The following KCNH1 variants were observed in gnomAD, a reference collection of about 807,000 sequenced individuals.
KCNH1 encodes potassium voltage-gated channel subfamily H member 1, also known as voltage-gated delayed rectifier potassium channel KCNH1.
KCNH1 carries 27 observed loss-of-function variants against 69.2 expected under a neutral mutation model. The ratio of observed to expected loss-of-function variants is 0.39; its 90% confidence interval spans 0.29 to 0.54. The LOEUF is 0.54. Among genes scored for constraint, KCNH1 ranks in the 20% least tolerant of loss-of-function variants. The pLI is 0.68. For synonymous variants in KCNH1, 456 were observed against 487.7 expected, an observed-to-expected ratio of 0.93 and a Z score of 0.86; for missense variants, 798 against 1,261.6, an observed-to-expected ratio of 0.63 and a Z score of 5.57.
At chr1:211,029,478 T>A in intron 5 of KCNH1, among the ~76,000 whole-genome samples, 2 of 140,308 alleles carry the variant, frequency 1.4e-5, no homozygotes, top group Admixed American at 7.2e-5. Context: ...ACAAAAACAC[T>A]CAATAAAATT....
At chr1:210,848,907 G>A (rs3905343) in intron 7 of KCNH1, among the ~76,000 whole-genome samples, 24,700 of 152,148 alleles carry the variant, frequency 0.16, 2,621 homozygotes, top group Non-Finnish European at 0.24. Flanking sequence ...AAGGTAAAGA[G>A]TTAAGTGTCT....
At chr1:210,905,594 CT>C (rs1687084946) in intron 7 of KCNH1, among the ~76,000 whole-genome samples, 1 of 152,014 alleles carries the variant, frequency 6.6e-6, no homozygotes, top group African/African-American at 2.4e-5. Context: ...CAATAAATTG[CT>C]CACATTGACA....
In KCNH1 at chr1:210,919,624, G is replaced by C; in HGVS notation, c.1462+16C>G. ...AGAAGAGATGGCCAACCCCACCCCA[G>C]CACTGTCATACTTACAGCCAATCAT... On this transcript the variant is annotated intron_variant, in intron 7 of 10. Coordinates refer to ENST00000271751, the MANE Select transcript of KCNH1 (RefSeq NM_172362.3). This position sits in a 1 kb window ranked among gnomAD's most constrained non-coding sequence, Gnocchi z 4.2. 1 of 1,601,822 alleles carries C rather than the reference G, an allele frequency of 6.2e-7. No individual in the cohort carries two copies. Among genetic ancestry groups the C allele is most frequent in the South Asian group, 1.1e-5 (1 of 89,256 alleles).
At chr1:210,834,536 G>A (rs1397214426) in intron 7 of KCNH1, among the ~76,000 whole-genome samples, 1 of 106,322 alleles carries the variant, frequency 9.4e-6, no homozygotes, top group Non-Finnish European at 1.9e-5. Context: ...GACTGTTGTG[G>A]GGTGGGGGGA....
At chr1:211,111,046 T>C (rs1285727316) in intron 1 of KCNH1, among the ~76,000 whole-genome samples, 2 of 152,128 alleles carry the variant, frequency 1.3e-5, no homozygotes, top group African/African-American at 4.8e-5. Context: ...ATGAACTTAC[T>C]GACTTTGATA....
chr1:210,856,119 A>G (rs564281882), intron 7 of KCNH1, among the ~76,000 whole-genome samples: 1 of 152,258 alleles, frequency 6.6e-6, no homozygotes, highest in East Asian at 1.9e-4. Context: ...AAGAGTTCCA[A>G]ACCCTTTTGG....
At chr1:210,840,974 C>T (rs569435227) in intron 7 of KCNH1, among the ~76,000 whole-genome samples, 1 of 152,156 alleles carries the variant, frequency 6.6e-6, no homozygotes, top group South Asian at 2.1e-4. Context: ...AGACAGACAC[C>T]AGGCCAGCTG....
At chr1:211,014,798 C>T (rs1200562224) in intron 6 of KCNH1, among the ~76,000 whole-genome samples, 2 of 152,170 alleles carry the variant, frequency 1.3e-5, no homozygotes, top group African/African-American at 4.8e-5. Flanking sequence ...ATTTGTTTCT[C>T]TGCACACTCC....
intron 7 of KCNH1, among the ~76,000 whole-genome samples, chr1:210,817,607 T>A (rs1307463499): frequency 6.6e-6 from 1 of 152,100 alleles, no homozygotes; most frequent in Non-Finnish European, 1.5e-5. Flanking sequence ...CTCTAAACAA[T>A]AAACACACAT....
At chr1:211,075,473 G>A (rs565348974) in intron 5 of KCNH1, among the ~76,000 whole-genome samples, 12 of 152,306 alleles carry the variant, frequency 7.9e-5, no homozygotes, top group African/African-American at 2.9e-4. Flanking sequence ...GTGGATCAAG[G>A]ACTGACCAGC....
intron 7 of KCNH1, among the ~76,000 whole-genome samples, chr1:210,916,563 C>A (rs1012973995): frequency 6.6e-6 from 1 of 152,154 alleles, no homozygotes; most frequent in Non-Finnish European, 1.5e-5. Context: ...TTAGACCACG[C>A]TACCACAGGA....
intron 7 of KCNH1, chr1:210,861,965 C>T (rs900963620): frequency 6.6e-6 from 5 of 757,394 alleles, no homozygotes; most frequent in African/African-American, 3.4e-5. Context: ...GTAAGCTGTA[C>T]CCTGATGAGC....
chr1:210,694,316 A>G (rs1274784158), intron 10 of KCNH1, among the ~76,000 whole-genome samples: 1 of 152,130 alleles, frequency 6.6e-6, no homozygotes, highest in Non-Finnish European at 1.5e-5. Context: ...CCAGCTGCAC[A>G]CTTATCTCCT....
At chr1:210,980,916 A>G (rs1688699031) in intron 6 of KCNH1, among the ~76,000 whole-genome samples, 1 of 152,136 alleles carries the variant, frequency 6.6e-6, no homozygotes, top group African/African-American at 2.4e-5. Flanking sequence ...ACTGAGGCTT[A>G]GTTACAGACA....
intron 7 of KCNH1, chr1:210,859,796 G>A (rs539392493): frequency 9.8e-7 from 1 of 1,023,324 alleles, no homozygotes; most frequent in Admixed American, 1.7e-5. Flanking sequence ...CTGTCATGAA[G>A]CCCCAAGAAA....
At chr1:211,037,748 C>A (rs908402291) in intron 5 of KCNH1, among the ~76,000 whole-genome samples, 1 of 152,166 alleles carries the variant, frequency 6.6e-6, no homozygotes, top group South Asian at 2.1e-4. Flanking sequence ...AGTAGGAGAG[C>A]AAGACCATAC....
At chr1:211,117,316 G>A (rs1222061352) in intron 1 of KCNH1, among the ~76,000 whole-genome samples, 5 of 152,136 alleles carry the variant, frequency 3.3e-5, no homozygotes, top group East Asian at 1.9e-4. Context: ...TTGCATTCAC[G>A]CCTTGTGTAG....
intron 4 of KCNH1, among the ~76,000 whole-genome samples, chr1:211,087,641 A>ACACACACACG (rs1553378400): frequency 2.0e-3 from 79 of 38,720 alleles, no homozygotes; most frequent in African/African-American, 0.011. Flanking sequence ...ACACACACGC[A>ACACACACACG]CACACACACA....
chr1:210,866,756 AC>A (rs897542344), intron 7 of KCNH1, among the ~76,000 whole-genome samples: 5 of 152,098 alleles, frequency 3.3e-5, no homozygotes, highest in African/African-American at 1.2e-4. Context: ...CTAAGTCTAT[AC>A]CCAAAAAAGG....
Sources: gnomAD v4.1 joint callset for allele counts (sites outside exome capture counted in the v4.1 genomes callset) on GRCh38, gnomAD v4.1.1 for gene constraint, Gnocchi (gnomAD v3.1) non-coding constraint, MANE v1.5 for transcripts, NCBI Gene and HGNC (gene_info 2026-07-23, HGNC 2026-07-21) for gene names.